Variants in SLC9A9 observed in about 807,000 individuals in gnomAD.
SLC9A9 encodes sodium/hydrogen exchanger 9.
Under a neutral mutation model 77.8 loss-of-function variants are expected in SLC9A9, and 62 were observed. The observed-to-expected ratio is 0.80, with a 90% CI of 0.65 to 0.98. The LOEUF (loss-of-function observed/expected upper bound fraction) is 0.98. SLC9A9 is among the 50% of genes least tolerant of loss of function. The pLI is 0.00. For synonymous variants in SLC9A9, 320 were observed against 283.5 expected (o/e 1.13, Z -1.29); for missense variants, 775 against 774.9 (o/e 1.00, Z 0.00).
chr3:143,716,843 C>T (rs1198221936), intron 4 of SLC9A9, among the ~76,000 whole-genome samples: 2 of 152,110 alleles, frequency 1.3e-5, no homozygotes, highest in Non-Finnish European at 2.9e-5. Flanking sequence ...GGTACCAATG[C>T]CGTTTATGTG....
chr3:143,707,448 C>G (rs1934015805), intron 4 of SLC9A9, among the ~76,000 whole-genome samples: 1 of 151,576 alleles, frequency 6.6e-6, no homozygotes, highest in Non-Finnish European at 1.5e-5. Context: ...ACAAGTAAAC[C>G]CAGCAAGTGA....
At chr3:143,278,943 C>A (rs146636519) in intron 14 of SLC9A9, among the ~76,000 whole-genome samples, 1 of 151,782 alleles carries the variant, frequency 6.6e-6, no homozygotes, top group South Asian at 2.1e-4. Context: ...GCTCTTTGAC[C>A]ACAAAAAATG....
chr3:143,624,479 A>G (rs914035334), intron 6 of SLC9A9, among the ~76,000 whole-genome samples: 8 of 152,262 alleles, frequency 5.3e-5, no homozygotes, highest in Non-Finnish European at 1.2e-4. Flanking sequence ...ATCGATAAAC[A>G]TAATCCAGCA....
In SLC9A9 at chr3:143,807,699, G is replaced by A. The variant is rs2008759574; in HGVS notation, c.379-10796C>T. ...GGCGGAGGTTGCAGTAAGCCGAGAT[G>A]GCGCCATTGCACTGCAGCCTGGGCA... On this transcript the variant is annotated intron_variant, in intron 2 of 15. Transcript: ENST00000316549. Among the ~76,000 whole-genome samples the A allele has an allele frequency of 2.0e-5, 3 of 152,194 alleles. No individual in the cohort carries two copies. In the South Asian group the frequency reaches 6.2e-4, roughly 31 times the overall value.
At position 143,485,278 on chromosome 3, in the gene SLC9A9, T is replaced by G. The variant is rs567057339; in HGVS notation, c.1315+8375A>C. 1.1e-4 allele frequency among the ~76,000 whole-genome samples: 17 copies of G among 152,254 alleles called. No individual in the cohort carries two copies. In the South Asian group the frequency reaches 2.9e-3, roughly 26 times the overall value. On this transcript the variant is annotated intron_variant, in intron 11 of 15. Transcript: ENST00000316549. ...AAATCGCCACCATTGTTGTTGCACC[T>G]CCCCTTACTGGGAAGCTCCTCCCCT...
intron 8 of SLC9A9, among the ~76,000 whole-genome samples, chr3:143,560,968 G>C (rs1483303930): frequency 2.0e-5 from 3 of 152,142 alleles, no homozygotes; most frequent in Non-Finnish European, 4.4e-5. Flanking sequence ...ATCACCTGAG[G>C]TCAGGAGTTC....
intron 8 of SLC9A9, among the ~76,000 whole-genome samples, chr3:143,559,606 C>T (rs1036257036): frequency 6.6e-6 from 1 of 151,698 alleles, no homozygotes; most frequent in Admixed American, 6.6e-5. Flanking sequence ...CTAAATGAAA[C>T]CTTTAAGCAT....
chr3:143,844,361 T>C (rs2009777395), intron 1 of SLC9A9, among the ~76,000 whole-genome samples: 1 of 152,006 alleles, frequency 6.6e-6, no homozygotes, highest in African/African-American at 2.4e-5. Context: ...TCAACATCTA[T>C]CGAGTCTTCT....
intron 4 of SLC9A9, among the ~76,000 whole-genome samples, chr3:143,716,489 C>G (rs559581846): frequency 6.6e-6 from 1 of 151,974 alleles, no homozygotes; most frequent in Admixed American, 6.6e-5. Flanking sequence ...AGTGTCTTAT[C>G]CCAGACTCTT....
intron 5 of SLC9A9, among the ~76,000 whole-genome samples, chr3:143,677,230 T>G (rs1037639627): frequency 4.6e-5 from 7 of 152,280 alleles, no homozygotes; most frequent in African/African-American, 1.7e-4. Flanking sequence ...AATATAAAAG[T>G]TACACACAGA....
chr3:143,596,528 AT>A (rs2037755418), intron 6 of SLC9A9, among the ~76,000 whole-genome samples: 2 of 152,258 alleles, frequency 1.3e-5, no homozygotes, highest in Admixed American at 1.3e-4. Flanking sequence ...ATCCTGTCGA[AT>A]TGTCTGGCTG....
chr3:143,771,308 T>C (rs1470073434), intron 4 of SLC9A9, among the ~76,000 whole-genome samples: 2 of 152,194 alleles, frequency 1.3e-5, no homozygotes, highest in East Asian at 3.9e-4. Flanking sequence ...GTGCCAACTC[T>C]TTAAGATGCA....
At chr3:143,686,802 A>G (rs1933286177) in intron 5 of SLC9A9, among the ~76,000 whole-genome samples, 1 of 152,216 alleles carries the variant, frequency 6.6e-6, no homozygotes, top group Admixed American at 6.5e-5. Flanking sequence ...GGCTAATCGC[A>G]AAATGAGAGC....
intron 14 of SLC9A9, among the ~76,000 whole-genome samples, chr3:143,324,461 T>C (rs1338916379): frequency 2.6e-5 from 4 of 152,206 alleles, no homozygotes; most frequent in Non-Finnish European, 1.5e-5. Flanking sequence ...TGCCTAGGGC[T>C]GAGTGAGAAT....
In SLC9A9 at chr3:143,476,014, C is replaced by G. The variant is rs559681499; in HGVS notation, c.1316-8824G>C. On this transcript the variant is annotated intron_variant, in intron 11 of 15. Coordinates refer to ENST00000316549, the MANE Select transcript of SLC9A9 (RefSeq NM_173653.4). Reference sequence around the variant, plus strand: ...AGAAGTTGATTTAAAAGATTTAATACAGTCTTATTATCAATCTGTTAAATC... The same window carrying G: ...AGAAGTTGATTTAAAAGATTTAATAGAGTCTTATTATCAATCTGTTAAATC... 5.3e-5 allele frequency among the ~76,000 whole-genome samples: 8 copies of G among 151,588 alleles called. No homozygotes were observed. In the East Asian group the frequency reaches 1.5e-3, roughly 29 times the overall value.
chr3:143,619,127 T>C (rs1005558038), intron 6 of SLC9A9, among the ~76,000 whole-genome samples: 6 of 152,214 alleles, frequency 3.9e-5, no homozygotes, highest in African/African-American at 1.4e-4. Flanking sequence ...TTTATTGATA[T>C]TGTAGAGAGA....
At chr3:143,764,544 G>A (rs1379841407) in intron 4 of SLC9A9, among the ~76,000 whole-genome samples, 1 of 152,066 alleles carries the variant, frequency 6.6e-6, no homozygotes, top group Admixed American at 6.6e-5. Context: ...CCTGAATTTT[G>A]TATCTTTTCT....
At chr3:143,799,691 G>C (rs201926290) in intron 2 of SLC9A9, among the ~76,000 whole-genome samples, 1 of 152,176 alleles carries the variant, frequency 6.6e-6, no homozygotes, top group Non-Finnish European at 1.5e-5. Context: ...TCCCAGAGCC[G>C]CTGGAACTCT....
chr3:143,325,222 A>C (rs76730779), intron 14 of SLC9A9, among the ~76,000 whole-genome samples: 14,420 of 152,124 alleles, frequency 0.095, 966 homozygotes, highest in African/African-American at 0.2. Context: ...ATCCCAGATT[A>C]TCCACACCTG....
Sources: gnomAD v4.1 joint callset for allele counts (sites outside exome capture counted in the v4.1 genomes callset) on GRCh38, gnomAD v4.1.1 for gene constraint, MANE v1.5 for transcripts, NCBI Gene and HGNC (gene_info 2026-07-23, HGNC 2026-07-21) for gene names.